The following ZFHX3 variants were observed in gnomAD, a reference collection of about 807,000 sequenced individuals.
The protein encoded by ZFHX3 is zinc finger homeobox protein 3.
ZFHX3 carries 42 observed loss-of-function variants against 279.1 expected under a neutral mutation model. The observed-to-expected ratio is 0.15, with a 90% CI of 0.12 to 0.19. The LOEUF is 0.19. Among genes scored for constraint, ZFHX3 ranks in the 10% least tolerant of loss-of-function variants. The pLI is 1.00. For missense variants in ZFHX3, 4,981 were observed against 4,754.0 expected, an observed-to-expected ratio of 1.05 and a Z score of -1.40; for synonymous variants, 2,293 against 1,957.8, an observed-to-expected ratio of 1.17 and a Z score of -4.52.
Position 72,794,013 on chromosome 16 carries a change from A to C in ZFHX3, c.8669T>G (p.Leu2890Trp). ...MMAMSEYEDR[L>W]SSGLVSPAPS... ...GGCCGGGCTGACCAGACCAGATGAC[A>C]ACCGATCTTCATACTCAGACATTGC... is the stretch of plus-strand genomic sequence containing the variant. Residue 2890 changes from leucine (L) to tryptophan (W), a missense_variant, in exon 9 of 10, where the codon TTG becomes TGG. Around this residue, in one of 7 missense-constraint regions of ZFHX3, gnomAD observed 744 missense variants for 701.3 expected, o/e 1.06. Transcript: ENST00000268489. The surrounding 1 kb of genome is among the most constrained non-coding windows in gnomAD (Gnocchi z 4.2). The C allele has an allele frequency of 6.2e-7, 1 of 1,614,212 alleles. No homozygotes were observed. The highest frequency in any genetic ancestry group is 8.5e-7 in the Non-Finnish European group (1 of 1,180,036).
At chr16:73,420,994 C>T (rs1467045477) in intron 3 of ZFHX3, 3 of 152,160 alleles carry the variant, frequency 2.0e-5, no homozygotes, top group East Asian at 3.8e-4. Context: ...AACTCCATAA[C>T]GTAGTATAAA....
intron 2 of ZFHX3, among the ~76,000 whole-genome samples, chr16:73,456,781 CACTG>C (rs1567489887): frequency 6.6e-6 from 1 of 152,224 alleles, no homozygotes; most frequent in Non-Finnish European, 1.5e-5. Context: ...AATCAAGCTG[CACTG>C]ACTATTTATT....
At chr16:72,826,268 T>C (rs2036924764) in intron 5 of ZFHX3, among the ~76,000 whole-genome samples, 1 of 152,180 alleles carries the variant, frequency 6.6e-6, no homozygotes, top group African/African-American at 2.4e-5. Flanking sequence ...AAGTGTTCAG[T>C]ACAGAGTACC....
At chr16:73,810,241 G>T (rs1024519392) in intron 1 of ZFHX3, among the ~76,000 whole-genome samples, 1 of 152,172 alleles carries the variant, frequency 6.6e-6, no homozygotes, top group African/African-American at 2.4e-5. Flanking sequence ...TGAAGCTGTA[G>T]CTCTCAATCA....
At chr16:73,046,581 G>T (rs575287239) in intron 1 of ZFHX3, among the ~76,000 whole-genome samples, 11 of 152,176 alleles carry the variant, frequency 7.2e-5, no homozygotes, top group Non-Finnish European at 1.6e-4. Context: ...GAGGGAACTC[G>T]AGGGGCCAAC....
chr16:73,651,712 G>A (rs7499520), intron 2 of ZFHX3, among the ~76,000 whole-genome samples: 67,934 of 116,534 alleles, frequency 0.58, 22,929 homozygotes, highest in Middle Eastern at 0.84. Flanking sequence ...AAAAAAAGCC[G>A]GGCGTGGTGG....
intron 6 of ZFHX3, among the ~76,000 whole-genome samples, chr16:73,139,570 C>T (rs143506386): frequency 3.3e-5 from 5 of 152,300 alleles, no homozygotes; most frequent in African/African-American, 7.2e-5. Flanking sequence ...TGAGTCATTA[C>T]GCTGTTCTCC....
intron 2 of ZFHX3, among the ~76,000 whole-genome samples, chr16:73,474,727 C>A (rs2018735980): frequency 6.6e-6 from 1 of 152,158 alleles, no homozygotes. Flanking sequence ...CTATACACAC[C>A]CTGACTTTAG....
At chr16:73,058,688 C>T (rs1272445723) in exon 1 of ZFHX3, 2 of 201,442 alleles carry the variant, frequency 9.9e-6, no homozygotes, top group Non-Finnish European at 1.8e-5. Context: ...CGGCGGAGGA[C>T]GCGCTGCTGG....
chr16:73,008,189 C>T (rs1218754900), intron 1 of ZFHX3, among the ~76,000 whole-genome samples: 1 of 151,964 alleles, frequency 6.6e-6, no homozygotes. Flanking sequence ...TTTTCATTTT[C>T]TTTAATAATG....
At chr16:73,210,361 C>T (rs2011968091) in intron 5 of ZFHX3, among the ~76,000 whole-genome samples, 1 of 151,946 alleles carries the variant, frequency 6.6e-6, no homozygotes, top group Admixed American at 6.6e-5. Flanking sequence ...CATCTTTTTT[C>T]AAAGAAACTA....
Position 72,793,168 on chromosome 16 carries a change from C to T in ZFHX3, c.9427+87G>A. ...AGGTAAGCTTCCCATCTGCCCAGCA[C>T]TCAGAGGGTTTGGGTGGTATCCACA... On this transcript the variant is annotated intron_variant, in intron 9 of 9. Transcript: ENST00000268489. The surrounding 1 kb of genome is among the most constrained non-coding windows in gnomAD (Gnocchi z 4.3). The T allele has an allele frequency of 6.6e-7, 1 of 1,518,056 alleles. No individual in the cohort carries two copies. The highest frequency in any genetic ancestry group is 8.8e-7 in the Non-Finnish European group (1 of 1,135,926). The allele number at this position is 1,518,056 out of a possible 1,614,324, so 94.0% of individuals were successfully genotyped here. A position where few individuals can be genotyped will look rare whatever the true frequency, so the allele number is the denominator to read the frequency against.
chr16:73,145,506 A>C (rs765404314), intron 5 of ZFHX3, among the ~76,000 whole-genome samples: 12 of 152,234 alleles, frequency 7.9e-5, no homozygotes, highest in Non-Finnish European at 1.3e-4. Context: ...AGGTGATGGA[A>C]GTGGCTGATC....
intron 1 of ZFHX3, among the ~76,000 whole-genome samples, chr16:73,771,115 T>TG (rs796284661): frequency 2.4e-4 from 36 of 152,298 alleles, no homozygotes; most frequent in African/African-American, 7.7e-4. Flanking sequence ...TGCTAGAGAC[T>TG]GGGGTGATGA....
intron 2 of ZFHX3, among the ~76,000 whole-genome samples, chr16:73,604,109 T>C (rs1304959096): frequency 6.6e-6 from 1 of 152,040 alleles, no homozygotes; most frequent in Non-Finnish European, 1.5e-5. Context: ...AAGAGTAGAC[T>C]AGAAAACCAA....
chr16:73,857,291 C>T lies in ZFHX3; in HGVS notation c.-1608+34360G>A, dbSNP rs77308742. On this transcript the variant is annotated intron_variant, in intron 1 of 17. Transcript: ENST00000641206. ...GTTTTAAAATGCAATATACTGAAAC[C>T]CAAAATGTGCTGTATTACAGTTTGG... Among the ~76,000 whole-genome samples, 750 of 152,166 alleles carry T rather than the reference C, an allele frequency of 4.9e-3. 9 individuals carry two copies. The highest frequency in any genetic ancestry group is 0.017 in the African/African-American group (725 of 41,502).
intron 1 of ZFHX3, among the ~76,000 whole-genome samples, chr16:73,792,863 C>CA (rs1002525059): frequency 8.8e-5 from 13 of 147,626 alleles, no homozygotes; most frequent in Non-Finnish European, 1.2e-4. Context: ...TGCACCCCCC[C>CA]CCTCCCCTCT....
intron 3 of ZFHX3, among the ~76,000 whole-genome samples, chr16:72,945,916 C>T (rs965207150): frequency 1.3e-5 from 2 of 152,010 alleles, no homozygotes; most frequent in African/African-American, 4.8e-5. Context: ...CCCCCACTTC[C>T]CCCCAGCACA....
intron 1 of ZFHX3, among the ~76,000 whole-genome samples, chr16:72,972,906 A>T (rs1404605590): frequency 6.6e-6 from 1 of 152,100 alleles, no homozygotes. Flanking sequence ...TTCTTTTATC[A>T]TTTCAACTCA....
Sources: allele counts gnomAD v4.1 joint callset (sites outside exome capture counted in the v4.1 genomes callset), GRCh38; gene constraint gnomAD v4.1.1; regional missense constraint gnomAD v4.1.1; non-coding constraint Gnocchi (gnomAD v3.1); transcripts MANE v1.5; gene names NCBI Gene and HGNC (gene_info 2026-07-23, HGNC 2026-07-21).